Variants in USP32 observed in about 807,000 individuals in gnomAD.
The protein encoded by USP32 is ubiquitin carboxyl-terminal hydrolase 32.
USP32 carries 59 observed loss-of-function variants against 204.8 expected under a neutral mutation model. The ratio of observed to expected loss-of-function variants is 0.29; its 90% CI spans 0.23 to 0.36. USP32 has a LOEUF of 0.36. Ranked by LOEUF, USP32 falls within the 10% of genes least tolerant of loss-of-function variation. The pLI is 1.00. For missense variants in USP32, 1,160 were observed against 1,946.4 expected (o/e 0.60, Z 7.60); for synonymous variants, 517 against 678.4 (o/e 0.76, Z 3.70).
chr17:60,370,684 C>T (rs1360757162), intron 1 of USP32, among the ~76,000 whole-genome samples: 1 of 151,024 alleles, frequency 6.6e-6, no homozygotes, highest in Non-Finnish European at 1.5e-5. Flanking sequence ...ATCCCTTAAG[C>T]CCGAGAGGTC....
chr17:60,275,059 G>A (rs1036707813), intron 5 of USP32, among the ~76,000 whole-genome samples: 10 of 152,110 alleles, frequency 6.6e-5, no homozygotes, highest in African/African-American at 2.4e-4. Context: ...TAGAACATAA[G>A]CTTGAGGGCT....
intron 15 of USP32, among the ~76,000 whole-genome samples, chr17:60,221,426 C>T (rs556999108): frequency 3.3e-5 from 5 of 151,928 alleles, no homozygotes; most frequent in Non-Finnish European, 5.9e-5. Flanking sequence ...TAGAAGTTAA[C>T]GTACCATATC....
rs1445330832 is a variant in USP32 at position 60,236,333 on chromosome 17, C to T, written c.1137-93G>A. Reference sequence around the variant, plus strand: ...TCATTAGAAGTTTTATAAGGAAAACCGCGAAACATTTAGATGTAATTAGGA... The same window carrying T: ...TCATTAGAAGTTTTATAAGGAAAACTGCGAAACATTTAGATGTAATTAGGA... On this transcript the variant is annotated intron_variant, in intron 11 of 33. Coordinates refer to ENST00000300896, the MANE Select transcript of USP32 (RefSeq NM_032582.4). 8 of 1,040,518 alleles carry T rather than the reference C, an allele frequency of 7.7e-6. No homozygotes were observed. Among genetic ancestry groups the T allele is most frequent in the East Asian group, 7.5e-5 (3 of 40,080 alleles). 64.5% of individuals were successfully genotyped at this position (1,040,518 alleles called of 1,614,324 possible).
At chr17:60,310,461 G>A (rs913669268) in intron 2 of USP32, among the ~76,000 whole-genome samples, 46 of 152,288 alleles carry the variant, frequency 3.0e-4, no homozygotes, top group African/African-American at 1.1e-3. Flanking sequence ...AGCACTTTGG[G>A]AGGCTGAGGT....
At chr17:60,364,643 C>T (rs571102067) in intron 1 of USP32, among the ~76,000 whole-genome samples, 4 of 152,208 alleles carry the variant, frequency 2.6e-5, no homozygotes, top group African/African-American at 4.8e-5. Flanking sequence ...CCCAAAGTGC[C>T]GGGATTATGG....
chr17:60,260,807 T>C, intron 9 of USP32, among the ~76,000 whole-genome samples: 1 of 152,086 alleles, frequency 6.6e-6, no homozygotes, highest in African/African-American at 2.4e-5. Context: ...ACAATACATA[T>C]AAATTTCTCC....
chr17:60,184,329 A>AAG (rs1311759758), intron 30 of USP32, among the ~76,000 whole-genome samples: 4 of 150,294 alleles, frequency 2.7e-5, no homozygotes, highest in African/African-American at 9.8e-5. Context: ...AAAAAAAAAA[A>AAG]AAGTCTCCCC....
In USP32 at chr17:60,208,636, C is replaced by G; in HGVS notation, c.2773+18G>C. Reference sequence around the variant, plus strand: ...AATTTAATGGAGTCAAGTAATTTTTCAGAACTTTCTGACCTACCTGTTATT... The same window carrying G: ...AATTTAATGGAGTCAAGTAATTTTTGAGAACTTTCTGACCTACCTGTTATT... On this transcript the variant is annotated intron_variant, in intron 23 of 33. Coordinates refer to ENST00000300896, the MANE Select transcript of USP32 (RefSeq NM_032582.4). 1 of 1,466,934 alleles carries G rather than the reference C, an allele frequency of 6.8e-7. No individual in the cohort carries two copies. The highest frequency in any genetic ancestry group is 9.0e-7 in the Non-Finnish European group (1 of 1,107,532). 90.9% of individuals were successfully genotyped at this position (1,466,934 alleles called of 1,614,324 possible).
chr17:60,207,510 A>T (rs1328401261), intron 24 of USP32, among the ~76,000 whole-genome samples: 1 of 151,916 alleles, frequency 6.6e-6, no homozygotes, highest in Non-Finnish European at 1.5e-5. Context: ...CAGTTGCAGG[A>T]GCTTAATTTA....
intron 2 of USP32, among the ~76,000 whole-genome samples, chr17:60,339,725 T>A (rs938530553): frequency 1.1e-4 from 16 of 152,262 alleles, no homozygotes; most frequent in Admixed American, 7.9e-4. Context: ...TCTCTTTTGC[T>A]CTAAAAATAT....
Position 60,213,674 on chromosome 17 carries a change from G to C in USP32, c.2023-12C>G. ...AGAGTAAGGTAGTTCTGTGTAAGGA[G>C]GAGGAAATGTTTTTGTTATTTGGTT... On this transcript the variant is annotated splice_polypyrimidine_tract_variant and intron_variant, in intron 17 of 33. Coordinates refer to ENST00000300896, the MANE Select transcript of USP32 (RefSeq NM_032582.4). 1 of 1,037,786 alleles carries C rather than the reference G, an allele frequency of 9.6e-7. No homozygotes were observed. Among genetic ancestry groups the C allele is most frequent in the South Asian group, 1.7e-5 (1 of 58,530 alleles). The allele number at this position is 1,037,786 out of a possible 1,614,324, so 64.3% of individuals were successfully genotyped here. A position where few individuals can be genotyped will look rare whatever the true frequency, so the allele number is the denominator to read the frequency against.
chr17:60,202,085 C>A (rs1387537420), intron 26 of USP32, among the ~76,000 whole-genome samples: 1 of 152,166 alleles, frequency 6.6e-6, no homozygotes, highest in East Asian at 1.9e-4. Flanking sequence ...CTCTATAGAA[C>A]ACCTGGAATT....
In USP32 at chr17:60,349,644, T is replaced by A. The variant is rs59489460; in HGVS notation, c.59-4036A>T. ...ATATATTATATATATATATATATAT[T>A]ATATATATACATATATATACACATA... On this transcript the variant is annotated intron_variant, in intron 1 of 33. Coordinates refer to ENST00000300896, the MANE Select transcript of USP32 (RefSeq NM_032582.4). Among the ~76,000 whole-genome samples the A allele has an allele frequency of 2.7e-4, 26 of 96,354 alleles. No homozygotes were observed. In the East Asian group the frequency reaches 4.3e-3, roughly 16 times the overall value. The allele number at this position is 96,354 out of a possible 152,430, so 63.2% of individuals were successfully genotyped here. A position where few individuals can be genotyped will look rare whatever the true frequency, so the allele number is the denominator to read the frequency against.
At chr17:60,328,854 C>A (rs1477429935) in intron 2 of USP32, among the ~76,000 whole-genome samples, 1 of 152,108 alleles carries the variant, frequency 6.6e-6, no homozygotes, top group African/African-American at 2.4e-5. Context: ...GCACCTGGAG[C>A]TACCTGCTCT....
intron 21 of USP32, 49 bp downstream of exon 21, chr17:60,210,964 A>C (rs1191975229): frequency 1.3e-6 from 2 of 1,538,652 alleles, no homozygotes; most frequent in Non-Finnish European, 1.8e-6. Flanking sequence ...AAAAATGATT[A>C]AACAACTATT....
chr17:60,325,011 A>C (rs1265190870), intron 2 of USP32, among the ~76,000 whole-genome samples: 1 of 152,278 alleles, frequency 6.6e-6, no homozygotes, highest in African/African-American at 2.4e-5. Flanking sequence ...CTCAAAAAAA[A>C]CAAAAAACTG....
intron 1 of USP32, among the ~76,000 whole-genome samples, chr17:60,410,582 G>A (rs1204449997): frequency 4.6e-5 from 7 of 151,872 alleles, no homozygotes; most frequent in Non-Finnish European, 1.0e-4. Flanking sequence ...GCAGGAGAAT[G>A]GTGTGAACCT....
intron 2 of USP32, among the ~76,000 whole-genome samples, chr17:60,326,506 C>T (rs1267161132): frequency 1.3e-5 from 2 of 152,018 alleles, no homozygotes; most frequent in African/African-American, 4.8e-5. Context: ...GGACTGTTGG[C>T]CAGGCTGGTC....
At chr17:60,210,945 C>A (rs1203138722) in intron 21 of USP32, 68 bp downstream of exon 21, 1 of 1,520,686 alleles carries the variant, frequency 6.6e-7, no homozygotes, top group Non-Finnish European at 8.8e-7. Flanking sequence ...ACACAAAAAA[C>A]AAGCAGAGAA....
Sources: gnomAD v4.1 joint callset for allele counts (sites outside exome capture counted in the v4.1 genomes callset) on GRCh38, gnomAD v4.1.1 for gene constraint, MANE v1.5 for transcripts, NCBI Gene and HGNC (gene_info 2026-07-23, HGNC 2026-07-21) for gene names.